PER2: variants seen among roughly 807,000 people sequenced by gnomAD.
PER2 encodes period circadian protein homolog 2.
A neutral mutation model predicts 121.0 loss-of-function variants in PER2; 66 were observed. The observed-to-expected ratio is 0.55, with a 90% CI of 0.45 to 0.67. PER2 has a LOEUF of 0.67. Among genes scored for constraint, PER2 ranks in the 30% least tolerant of loss-of-function variants. The probability of loss-of-function intolerance (pLI) is 0.00; values close to 1 mark genes in which losing one functional copy is unlikely to be tolerated. For missense variants in PER2, 1,521 were observed against 1,635.0 expected, an observed-to-expected ratio of 0.93 and a Z score of 1.20; for synonymous variants, 684 against 659.9, an observed-to-expected ratio of 1.04 and a Z score of -0.56.
chr2:238,247,744 T>TGGAGAGGAGGGAA (rs1284124833), intron 22 of PER2, among the ~76,000 whole-genome samples: 1 of 152,010 alleles, frequency 6.6e-6, no homozygotes, highest in African/African-American at 2.4e-5. Context: ...CCAGTGTAGC[T>TGGAGAGGAGGGAA]GGAGAGGAGG....
chr2:238,273,979 TA>T (rs1238162254), intron 4 of PER2, among the ~76,000 whole-genome samples: 1 of 152,176 alleles, frequency 6.6e-6, no homozygotes, highest in Non-Finnish European at 1.5e-5. Flanking sequence ...AGAAAGTCTT[TA>T]ATCATGATGG....
In PER2 at chr2:238,261,086, G is replaced by A. The variant is rs57898691; in HGVS notation, c.1417-133C>T. ...AGGCTACATGGCAGAGACCAGGGGA[G>A]CTGAGGTTTGAACCCCAGGGTCAGC... On this transcript the variant is annotated intron_variant, in intron 12 of 22. Coordinates refer to ENST00000254657, the MANE Select transcript of PER2 (RefSeq NM_022817.3). 0.014 allele frequency: 15,174 copies of A among 1,105,646 alleles called. 1,484 individuals are homozygous for A. In the African/African-American group the frequency reaches 0.21, roughly 15 times the overall value. 68.5% of individuals were successfully genotyped at this position (1,105,646 alleles called of 1,614,324 possible).
At chr2:238,284,179 C>G (rs1696713839) in intron 1 of PER2, among the ~76,000 whole-genome samples, 1 of 152,124 alleles carries the variant, frequency 6.6e-6, no homozygotes, top group South Asian at 2.1e-4. Context: ...CGCGGTGGCT[C>G]ACACCTGTAA....
At chr2:238,273,354 CA>C (rs756089809) in intron 4 of PER2, among the ~76,000 whole-genome samples, 163 bp from the exon 5 acceptor site, 2 of 152,212 alleles carry the variant, frequency 1.3e-5, no homozygotes, top group Non-Finnish European at 2.9e-5. Flanking sequence ...GAAGGCAAAA[CA>C]AACTCACAGA....
At chr2:238,250,217 C>G (rs1391505972) in intron 21 of PER2, among the ~76,000 whole-genome samples, 1 of 152,244 alleles carries the variant, frequency 6.6e-6, no homozygotes, top group African/African-American at 2.4e-5. Flanking sequence ...CACAGGGTTA[C>G]TGGGCAACAA....
In PER2 at chr2:238,244,190, T is replaced by C. The variant is rs1695383933; in HGVS notation, c.*2185A>G. ...CACTTGTCCAGCAAGGCTCAACAAATCATCACAGAAACTCTGAGAGCTTAT... is the reference window on the plus strand; with the variant it reads ...CACTTGTCCAGCAAGGCTCAACAAACCATCACAGAAACTCTGAGAGCTTAT... On this transcript the variant is annotated 3_prime_UTR_variant, in exon 23 of 23. Transcript: ENST00000254657. 6.6e-6 allele frequency: 1 copy of C among 152,506 alleles called. No individual in the cohort carries two copies. The highest frequency in any genetic ancestry group is 2.4e-5 in the African/African-American group (1 of 41,416). The allele number at this position is 152,506 out of a possible 1,614,324, so 9.4% of individuals were successfully genotyped here.
chr2:238,294,362 C>T (rs1191498552), upstream of PER2, among the ~76,000 whole-genome samples: 1 of 152,166 alleles, frequency 6.6e-6, no homozygotes, highest in Admixed American at 6.5e-5. Context: ...GGAACGGGGG[C>T]CTTGCATGCT....
chr2:238,267,785 G>A (rs1008999251), intron 8 of PER2, among the ~76,000 whole-genome samples: 3 of 152,198 alleles, frequency 2.0e-5, no homozygotes, highest in Admixed American at 2.0e-4. Context: ...AGCAGCCAGG[G>A]AAAGGGGAGA....
chr2:238,252,372 A>G lies in PER2; in HGVS notation c.3111+540T>C, dbSNP rs956460983. Among the ~76,000 whole-genome samples, 26 of 152,230 alleles carry G rather than the reference A, an allele frequency of 1.7e-4. No homozygotes were observed. The highest frequency in any genetic ancestry group is 3.2e-4 in the Non-Finnish European group (22 of 68,042). On this transcript the variant is annotated intron_variant, in intron 19 of 22. Transcript: ENST00000254657. This position sits in a 1 kb window ranked among gnomAD's most constrained non-coding sequence, Gnocchi z 4.2. ...TGCTGCTGGCGTTCCCACACACTTGAGCTCGTTCAGAAACACAAGCGTTTA... is the reference window on the plus strand; with the variant it reads ...TGCTGCTGGCGTTCCCACACACTTGGGCTCGTTCAGAAACACAAGCGTTTA...
At chr2:238,256,855 T>C in intron 17 of PER2, 67 bp downstream of exon 17, 1 of 1,521,522 alleles carries the variant, frequency 6.6e-7, no homozygotes, top group East Asian at 2.3e-5. Flanking sequence ...AAATTTAAGA[T>C]GGCAAACTTC....
At chr2:238,280,868 C>T (rs780656859) in intron 1 of PER2, among the ~76,000 whole-genome samples, 1 of 151,954 alleles carries the variant, frequency 6.6e-6, no homozygotes, top group African/African-American at 2.4e-5. Context: ...AGATGACAAA[C>T]GGTATCTTCA....
chr2:238,299,820 A>G, the PER2 span: 1 of 152,212 alleles, frequency 6.6e-6, no homozygotes, highest in Non-Finnish European at 1.5e-5. Context: ...GGTGTCCTGC[A>G]AGGTGTTTGT....
upstream of PER2, among the ~76,000 whole-genome samples, chr2:238,291,912 A>G (rs1696957234): frequency 6.6e-6 from 1 of 152,240 alleles, no homozygotes; most frequent in South Asian, 2.1e-4. Flanking sequence ...AGTATCTTCC[A>G]GCTCTTTGGG....
chr2:238,291,672 C>A (rs1696952300), upstream of PER2, among the ~76,000 whole-genome samples: 1 of 152,190 alleles, frequency 6.6e-6, no homozygotes, highest in African/African-American at 2.4e-5. Flanking sequence ...AATGCCCAAC[C>A]CTTACTCTCC....
intron 22 of PER2, among the ~76,000 whole-genome samples, chr2:238,247,070 G>A (rs987966291): frequency 6.6e-6 from 1 of 152,196 alleles, no homozygotes; most frequent in Non-Finnish European, 1.5e-5. Flanking sequence ...GACATTCACA[G>A]CAGGCCAAAG....
chr2:238,294,150 G>C (rs997749280), upstream of PER2, among the ~76,000 whole-genome samples: 1 of 152,140 alleles, frequency 6.6e-6, no homozygotes, highest in South Asian at 2.1e-4. Flanking sequence ...GTCTCTCATC[G>C]GTCAGGGTGT....
At chr2:238,263,961 G>T (rs1330298108) in intron 9 of PER2, among the ~76,000 whole-genome samples, 1 of 151,504 alleles carries the variant, frequency 6.6e-6, no homozygotes, top group Non-Finnish European at 1.5e-5. Flanking sequence ...AGAGGAGTGG[G>T]GGAACAGGAA....
chr2:238,265,508 G>C lies in PER2; in HGVS notation c.1046+4C>G. ...GAAAAAGGGGGTGGGTCAAGACCACGTACCTTTCATCCACATCCTGGAACA... is the reference window on the plus strand; with the variant it reads ...GAAAAAGGGGGTGGGTCAAGACCACCTACCTTTCATCCACATCCTGGAACA... On this transcript the variant is annotated splice_donor_region_variant and intron_variant, in intron 9 of 22. Transcript: ENST00000254657. 1.9e-6 allele frequency: 3 copies of C among 1,594,836 alleles called. No individual in the cohort carries two copies. The highest frequency in any genetic ancestry group is 2.6e-6 in the Non-Finnish European group (3 of 1,162,380).
chr2:238,253,006 G>C lies in PER2; in HGVS notation c.3017C>G (p.Ala1006Gly), dbSNP rs1422208189. The change falls in exon 19 of 23, where the codon GCC becomes GGC. Residue 1006 changes from alanine (A) to glycine (G), a missense_variant. Physicochemically the swap from Ala to Gly is moderately conservative, Grantham distance 60. Coordinates refer to ENST00000254657, the MANE Select transcript of PER2 (RefSeq NM_022817.3). This position sits in a 1 kb window ranked among gnomAD's most constrained non-coding sequence, Gnocchi z 5.6. ...LEEAPEGGTG[A>G]MGTTGATETA... ...CTCTGTGGCCCCTGTGGTCCCCATG[G>C]CTCCAGTGCCACCCTCAGGGGCTTC... 1.2e-6 allele frequency: 2 copies of C among 1,613,938 alleles called. No individual in the cohort carries two copies. The highest frequency in any genetic ancestry group is 1.7e-4 in the Middle Eastern group (1 of 5,938).
Sources: allele counts gnomAD v4.1 joint callset (sites outside exome capture counted in the v4.1 genomes callset), GRCh38; gene constraint gnomAD v4.1.1; non-coding constraint Gnocchi (gnomAD v3.1); transcripts MANE v1.5; gene names NCBI Gene and HGNC (gene_info 2026-07-23, HGNC 2026-07-21).